RND1: variants seen among roughly 807,000 people sequenced by gnomAD.
The protein encoded by RND1 is rho-related GTP-binding protein Rho6.
Under a neutral mutation model 27.1 loss-of-function variants are expected in RND1, and 9 were observed. That is an observed-to-expected ratio of 0.33 (90% CI 0.20 to 0.58). The LOEUF (loss-of-function observed/expected upper bound fraction) is 0.58. RND1 is among the 20% of genes least tolerant of loss of function. RND1 has a pLI of 0.86. For synonymous variants in RND1, 108 were observed against 115.7 expected (o/e 0.93, Z 0.43); for missense variants, 253 against 292.2 (o/e 0.87, Z 0.98).
intron 1 of RND1, 47 bp downstream of exon 1, chr12:48,865,601 G>T: frequency 6.4e-7 from 1 of 1,572,026 alleles, no homozygotes; most frequent in South Asian, 1.1e-5. Context: ...ACCCCAAGGC[G>T]GGCAGGCAGG....
At chr12:48,864,446 T>C (rs1482350029) in intron 2 of RND1, among the ~76,000 whole-genome samples, 1 of 150,828 alleles carries the variant, frequency 6.6e-6, no homozygotes, top group Non-Finnish European at 1.5e-5. Flanking sequence ...TGCATGTGTG[T>C]ACGCGTGCAT....
In RND1 at chr12:48,858,014, T is replaced by C; in HGVS notation, c.681A>G (p.Lys227=). The C allele has an allele frequency of 6.2e-7, 1 of 1,607,578 alleles. No homozygotes were observed. The highest frequency in any genetic ancestry group is 1.1e-5 in the South Asian group (1 of 90,412). ...ISSTFKKEKA[K]SCSIM ...TTCCACTTCACATAATGGAACAGCT[T>C]TTGGCCTTTTCCTTCTTGAAGGTAG... is the stretch of plus-strand genomic sequence containing the variant. The change falls in exon 5 of 5, where the codon AAA becomes AAG. Residue 227 remains lysine (K), a synonymous_variant. Coordinates refer to ENST00000309739, the MANE Select transcript of RND1 (RefSeq NM_014470.4).
intron 4 of RND1, 135 bp downstream of exon 4, chr12:48,860,862 G>T (rs1320452040): frequency 7.9e-7 from 1 of 1,261,602 alleles, no homozygotes; most frequent in Non-Finnish European, 1.1e-6. Context: ...CTCTCTCCAG[G>T]TGACTCATTT....
chr12:48,862,851 C>T (rs1452124729), intron 2 of RND1, among the ~76,000 whole-genome samples: 1 of 152,142 alleles, frequency 6.6e-6, no homozygotes, highest in African/African-American at 2.4e-5. Context: ...GAGCCTGCCC[C>T]CTCCACCCTG....
In RND1 at chr12:48,862,095, G is replaced by C; in HGVS notation, c.232C>G (p.Arg78Gly). The C allele has an allele frequency of 6.2e-7, 1 of 1,611,570 alleles. No homozygotes were observed. Among genetic ancestry groups the C allele is most frequent in the Non-Finnish European group, 8.5e-7 (1 of 1,177,802 alleles). Residue 78 changes from arginine (R) to glycine (G), a missense_variant, in exon 3 of 5, where the codon CGT becomes GGT. Transcript: ENST00000309739. ...TSGSPYYDNVRPLCYSDSDAV... is the reference protein window; with the variant it reads ...TSGSPYYDNVGPLCYSDSDAV... Reference sequence around the variant, plus strand: ...TCCGAGTCGCTGTAGCAGAGTGGACGGACATTATCGTAGTAGGGAGATCCT... The same window carrying C: ...TCCGAGTCGCTGTAGCAGAGTGGACCGACATTATCGTAGTAGGGAGATCCT...
At chr12:48,864,416 T>C (rs11835246) in intron 2 of RND1, among the ~76,000 whole-genome samples, 18,312 of 135,322 alleles carry the variant, frequency 0.14, 1,617 homozygotes, top group East Asian at 0.43. Flanking sequence ...TGTGTGTGTG[T>C]GCGCGCGCGC....
At chr12:48,858,362 C>A in intron 4 of RND1, 121 bp from the exon 5 acceptor site, 1 of 1,084,516 alleles carries the variant, frequency 9.2e-7, no homozygotes, top group East Asian at 2.6e-5. Context: ...CAAACACCAC[C>A]CTCTGCAGAT....
chr12:48,865,563 G>A, intron 1 of RND1, 85 bp downstream of exon 1: 1 of 1,477,392 alleles, frequency 6.8e-7, no homozygotes, highest in East Asian at 2.5e-5. Context: ...GGCTGGGGGA[G>A]CCACGTCTCC....
chr12:48,858,157 A>G lies in RND1; in HGVS notation c.538T>C (p.Phe180Leu). ...AGACACAGCATGGATGCCGTCCGAAAGATGCTGTGGATGCTCTTTTCTGAG... is the reference window on the plus strand; with the variant it reads ...AGACACAGCATGGATGCCGTCCGAAGGATGCTGTGGATGCTCTTTTCTGAG... ...FTSEKSIHSI[F>L]RTASMLCLNK... Residue 180 changes from phenylalanine (F) to leucine (L), a missense_variant, in exon 5 of 5, where the codon TTT becomes CTT. Phe to Leu is a conservative substitution (Grantham distance 22). Transcript: ENST00000309739. 6.2e-7 allele frequency: 1 copy of G among 1,614,160 alleles called. No homozygotes were observed. Among genetic ancestry groups the G allele is most frequent in the Non-Finnish European group, 8.5e-7 (1 of 1,180,030 alleles).
At position 48,862,131 on chromosome 12, in the gene RND1, A is replaced by G. The variant is rs1938927000; in HGVS notation, c.209-13T>C. The G allele has an allele frequency of 1.3e-6, 2 of 1,513,948 alleles. No homozygotes were observed. The highest frequency in any genetic ancestry group is 1.8e-6 in the Non-Finnish European group (2 of 1,089,804). 93.8% of individuals were successfully genotyped at this position (1,513,948 alleles called of 1,614,324 possible). A position where few individuals can be genotyped will look rare whatever the true frequency, so the allele number is the denominator to read the frequency against. The stretch of plus-strand genomic sequence containing the variant: ...TAGTAGGGAGATCCTGGTGTAGGCC[A>G]GAAAGAGCTGATGGTGAGCCATGGT... On this transcript the variant is annotated splice_polypyrimidine_tract_variant and intron_variant, in intron 2 of 4. Coordinates refer to ENST00000309739, the MANE Select transcript of RND1 (RefSeq NM_014470.4).
Position 48,865,701 on chromosome 12 carries a change from G to A in RND1, c.67C>T (p.Gln23Ter). The change falls in exon 1 of 5, where the codon CAG becomes TAG. Residue 23 changes from glutamine to a stop codon, truncating the protein, a stop_gained. Coordinates refer to ENST00000309739, the MANE Select transcript of RND1 (RefSeq NM_014470.4). LOFTEE classifies it high-confidence loss of function. ...RCKLVLVGDV[Q>*]CGKTAMLQVL... The stretch of plus-strand genomic sequence containing the variant: ...TGCAACATCGCGGTCTTCCCACACT[G>A]CACGTCCCCGACCAGAACGAGCTTA... The A allele has an allele frequency of 6.2e-7, 1 of 1,614,150 alleles. No homozygotes were observed. The highest frequency in any genetic ancestry group is 8.5e-7 in the Non-Finnish European group (1 of 1,180,004).
intron 1 of RND1, 38 bp from the exon 2 acceptor site, chr12:48,864,908 T>G: frequency 6.9e-7 from 1 of 1,440,922 alleles, no homozygotes; most frequent in Non-Finnish European, 9.8e-7. Flanking sequence ...CATGCACCCC[T>G]ACCCTCAGAT....
chr12:48,863,892 C>G (rs2137509891), intron 2 of RND1, among the ~76,000 whole-genome samples: 1 of 152,144 alleles, frequency 6.6e-6, no homozygotes, highest in East Asian at 1.9e-4. Flanking sequence ...GGCTTTTACT[C>G]CTTAATTATG....
rs538734461 is a variant in RND1 at position 48,857,329 on chromosome 12, G to A, written c.*667C>T. 4 of 136,534 alleles carry A rather than the reference G, an allele frequency of 2.9e-5. No homozygotes were observed. The East Asian group carries it at 9.3e-4, about 32-fold the overall frequency. 8.5% of individuals were successfully genotyped at this position (136,534 alleles called of 1,614,324 possible). A position where few individuals can be genotyped will look rare whatever the true frequency, so the allele number is the denominator to read the frequency against. ...GTGACCCCCACCCAGCCCTGCCCCT[G>A]CAGCACCACCACCCCCACACTCTGC... is the stretch of plus-strand genomic sequence containing the variant. On this transcript the variant is annotated 3_prime_UTR_variant, in exon 5 of 5. Transcript: ENST00000309739.
At chr12:48,858,388 T>A in intron 4 of RND1, 147 bp from the exon 5 acceptor site, 1 of 812,080 alleles carries the variant, frequency 1.2e-6, no homozygotes, top group Non-Finnish European at 1.8e-6. Flanking sequence ...GATTATCTTT[T>A]CTTTTTTTTT....
At chr12:48,862,355 T>A (rs1382764104) in intron 2 of RND1, 3 of 458,812 alleles carry the variant, frequency 6.5e-6, no homozygotes, top group African/African-American at 6.0e-5. Flanking sequence ...GGGTGGAGTA[T>A]AATTTGGCCC....
intron 2 of RND1, among the ~76,000 whole-genome samples, 199 bp downstream of exon 2, chr12:48,864,584 G>T (rs1938962455): frequency 6.6e-6 from 1 of 151,940 alleles, no homozygotes; most frequent in South Asian, 2.1e-4. Flanking sequence ...GAAGAGAGTG[G>T]CTCCTGGGGT....
intron 1 of RND1, 114 bp from the exon 2 acceptor site, chr12:48,864,984 A>G (rs978872171): frequency 9.9e-6 from 8 of 810,318 alleles, no homozygotes; most frequent in Admixed American, 5.5e-5. Context: ...GAGACAAGAA[A>G]CCAGAGGAGA....
Position 48,865,727 on chromosome 12 carries a change from C to G in RND1, c.41G>C (p.Cys14Ser). 1 of 1,613,022 alleles carries G rather than the reference C, an allele frequency of 6.2e-7. No homozygotes were observed. The highest frequency in any genetic ancestry group is 8.5e-7 in the Non-Finnish European group (1 of 1,179,226). Reference sequence around the variant, plus strand: ...CACGTCCCCGACCAGAACGAGCTTACATCTGGCCACGACTGGCTGGGGGGC... The same window carrying G: ...CACGTCCCCGACCAGAACGAGCTTAGATCTGGCCACGACTGGCTGGGGGGC... Reference protein sequence around the residue: ...RRAPQPVVARCKLVLVGDVQC... With the variant: ...RRAPQPVVARSKLVLVGDVQC... Residue 14 changes from cysteine to serine, a missense_variant, in exon 1 of 5, where the codon TGT becomes TCT. By Grantham distance (112) the Cys-to-Ser change is moderately radical (BLOSUM62 -1). Transcript: ENST00000309739.
Sources: gnomAD v4.1 joint callset for allele counts (sites outside exome capture counted in the v4.1 genomes callset) on GRCh38, gnomAD v4.1.1 for gene constraint, MANE v1.5 for transcripts, NCBI Gene and HGNC (gene_info 2026-07-23, HGNC 2026-07-21) for gene names.